The following IPMK variants were observed in gnomAD, a reference collection of about 807,000 sequenced individuals.
IPMK encodes inositol polyphosphate multikinase, also known as inositol 1,3,4,6-tetrakisphosphate 5-kinase.
In IPMK, 17 loss-of-function variants were observed where a neutral mutation model predicts 45.8. That is an observed-to-expected ratio of 0.37 (90% CI 0.25 to 0.56). The LOEUF (loss-of-function observed/expected upper bound fraction) is 0.56, where lower values mean the gene tolerates loss of function less well. Among genes scored for constraint, IPMK ranks in the 20% least tolerant of loss-of-function variants. The probability of loss-of-function intolerance (pLI) is 0.79; values close to 1 mark genes in which losing one functional copy is unlikely to be tolerated. For missense variants in IPMK, 399 were observed against 498.0 expected, an observed-to-expected ratio of 0.80 and a Z score of 1.89; for synonymous variants, 180 against 184.3, an observed-to-expected ratio of 0.98 and a Z score of 0.19.
At chr10:58,229,959 ACTGCACTTTTCCCAAG>A (rs1376778354) in intron 2 of IPMK, among the ~76,000 whole-genome samples, 6 of 152,200 alleles carry the variant, frequency 3.9e-5, no homozygotes, top group Admixed American at 3.3e-4. Context: ...CCATCCAAAT[ACTGCACTTTTCCCAAG>A]GTCTTAGCAA....
chr10:58,240,496 T>C (rs762515819), intron 1 of IPMK, among the ~76,000 whole-genome samples: 3 of 152,024 alleles, frequency 2.0e-5, no homozygotes, highest in Non-Finnish European at 4.4e-5. Flanking sequence ...TTCTGGGCTT[T>C]CAAGTTTCCA....
rs143564232 is a variant in IPMK, at chr10:58,267,202, G to A, written c.190+220C>T. On this transcript the variant is annotated intron_variant, in intron 1 of 5. Transcript: ENST00000373935. The stretch of plus-strand genomic sequence containing the variant: ...CCAGACACGCCTCTCCCTGCCACCC[G>A]TGCTGCAAGCCTGACGACCCACACC... Among the ~76,000 whole-genome samples the A allele has an allele frequency of 3.9e-3, 593 of 152,242 alleles. 3 individuals are homozygous for A. Among genetic ancestry groups the A allele is most frequent in the Middle Eastern group, 6.8e-3 (2 of 292 alleles).
chr10:58,256,100 G>A (rs1838963474), intron 1 of IPMK, among the ~76,000 whole-genome samples: 1 of 152,092 alleles, frequency 6.6e-6, no homozygotes, highest in African/African-American at 2.4e-5. Context: ...ATGAAATCTG[G>A]CCACCTTGAA....
intron 4 of IPMK, among the ~76,000 whole-genome samples, chr10:58,213,489 C>G (rs1268440998): frequency 6.6e-6 from 1 of 152,246 alleles, no homozygotes; most frequent in East Asian, 1.9e-4. Flanking sequence ...TTGAGACCAT[C>G]CTGGCTAACA....
chr10:58,259,460 T>G (rs975668039), intron 1 of IPMK, among the ~76,000 whole-genome samples: 2 of 149,730 alleles, frequency 1.3e-5, no homozygotes, highest in Non-Finnish European at 3.0e-5. Flanking sequence ...TCCACCTTAA[T>G]AATGAATGAA....
At chr10:58,227,252 T>C in intron 2 of IPMK, 113 bp from the exon 3 acceptor site, 1 of 762,028 alleles carries the variant, frequency 1.3e-6, no homozygotes, top group Admixed American at 2.9e-5. Context: ...TGGCTTCAAT[T>C]GCAAGTAAAT....
At chr10:58,254,960 C>T (rs1471126328) in intron 1 of IPMK, among the ~76,000 whole-genome samples, 1 of 152,260 alleles carries the variant, frequency 6.6e-6, no homozygotes, top group South Asian at 2.1e-4. Context: ...CACAGAACTA[C>T]ATTGCTGCTC....
At chr10:58,214,984 T>C (rs1838222814) in intron 4 of IPMK, among the ~76,000 whole-genome samples, 1 of 152,212 alleles carries the variant, frequency 6.6e-6, no homozygotes, top group African/African-American at 2.4e-5. Flanking sequence ...AGCCCTGTAC[T>C]AGATTTTGCC....
chr10:58,221,670 C>T (rs188971434), intron 3 of IPMK, among the ~76,000 whole-genome samples: 10 of 152,100 alleles, frequency 6.6e-5, no homozygotes, highest in African/African-American at 1.2e-4. Flanking sequence ...GTGATCCTCT[C>T]GCTGCAGCCT....
At chr10:58,219,639 A>G (rs1258915167) in intron 3 of IPMK, among the ~76,000 whole-genome samples, 5 of 152,218 alleles carry the variant, frequency 3.3e-5, no homozygotes, top group Non-Finnish European at 5.9e-5. Flanking sequence ...TATAGAGTGG[A>G]GCAGTATTTT....
At chr10:58,224,231 C>A (rs935864911) in intron 3 of IPMK, among the ~76,000 whole-genome samples, 1 of 151,736 alleles carries the variant, frequency 6.6e-6, no homozygotes, top group Non-Finnish European at 1.5e-5. Flanking sequence ...AACTACCAAT[C>A]AATCAGACTA....
At chr10:58,202,486 G>A (rs1838011690) in intron 4 of IPMK, among the ~76,000 whole-genome samples, 1 of 152,126 alleles carries the variant, frequency 6.6e-6, no homozygotes, top group South Asian at 2.1e-4. Flanking sequence ...GCATCATAGT[G>A]AGACCCCGTT....
chr10:58,263,963 A>G (rs1489880745), intron 1 of IPMK, among the ~76,000 whole-genome samples: 2 of 152,250 alleles, frequency 1.3e-5, no homozygotes, highest in East Asian at 1.9e-4. Flanking sequence ...ACTAAAAGAC[A>G]TAACAACTAA....
intron 5 of IPMK, 99 bp downstream of exon 5, chr10:58,199,141 A>T: frequency 1.5e-6 from 1 of 661,864 alleles, no homozygotes; most frequent in Non-Finnish European, 2.5e-6. Context: ...AATGTTTATT[A>T]TGAATCAAAT....
At position 58,227,159 on chromosome 10, in the gene IPMK, C is replaced by T; in HGVS notation, c.277-20G>A. 6.5e-7 allele frequency: 1 copy of T among 1,531,628 alleles called. No homozygotes were observed. The highest frequency in any genetic ancestry group is 9.0e-7 in the Non-Finnish European group (1 of 1,108,228). 94.9% of individuals were successfully genotyped at this position (1,531,628 alleles called of 1,614,324 possible). On this transcript the variant is annotated intron_variant, in intron 2 of 5. Transcript: ENST00000373935. ...ATAAACCTGAAACAGAGAAATATAA[C>T]ATTGCTAGATTCTTACAATGCTTTG... is the stretch of plus-strand genomic sequence containing the variant.
chr10:58,198,113 T>C (rs1588949924), intron 5 of IPMK, among the ~76,000 whole-genome samples: 1 of 152,230 alleles, frequency 6.6e-6, no homozygotes, highest in Non-Finnish European at 1.5e-5. Flanking sequence ...GAGTCAAATT[T>C]AATTATTTTT....
At chr10:58,235,309 T>A (rs564977382) in intron 2 of IPMK, among the ~76,000 whole-genome samples, 1 of 152,290 alleles carries the variant, frequency 6.6e-6, no homozygotes, top group South Asian at 2.1e-4. Context: ...AGCAATCCCA[T>A]TACTGGATAT....
chr10:58,238,006 A>G (rs1588965227), intron 1 of IPMK, among the ~76,000 whole-genome samples, 192 bp from the exon 2 acceptor site: 1 of 152,208 alleles, frequency 6.6e-6, no homozygotes, highest in African/African-American at 2.4e-5. Context: ...CCAGAACACA[A>G]ATTCCAAATG....
At chr10:58,236,968 G>A (rs1332089994) in intron 2 of IPMK, among the ~76,000 whole-genome samples, 1 of 152,160 alleles carries the variant, frequency 6.6e-6, no homozygotes, top group Non-Finnish European at 1.5e-5. Context: ...CACTTAGGAG[G>A]CACAGGCTGA....
Sources: gnomAD v4.1 joint callset for allele counts (sites outside exome capture counted in the v4.1 genomes callset) on GRCh38, gnomAD v4.1.1 for gene constraint, MANE v1.5 for transcripts, NCBI Gene and HGNC (gene_info 2026-07-23, HGNC 2026-07-21) for gene names.